Variants in C14orf132 observed in about 807,000 individuals in gnomAD.
The protein encoded by C14orf132 is uncharacterized protein C14orf132.
Under a neutral mutation model 5.8 loss-of-function variants are expected in C14orf132, and 6 were observed. The ratio of observed to expected loss-of-function variants is 1.03; its 90% CI spans 0.57 to 2.04. C14orf132 has a LOEUF of 2.04. C14orf132 is among the 30% of genes most tolerant of loss of function. The probability of loss-of-function intolerance (pLI) is 0.00; values close to 1 mark genes in which losing one functional copy is unlikely to be tolerated. For synonymous variants in C14orf132, 51 were observed against 49.8 expected, an observed-to-expected ratio of 1.02 and a Z score of -0.10; for missense variants, 125 against 115.8, an observed-to-expected ratio of 1.08 and a Z score of -0.37.
chr14:96,055,962 T>C (rs544846059), intron 1 of C14orf132, among the ~76,000 whole-genome samples: 1 of 152,302 alleles, frequency 6.6e-6, no homozygotes, highest in South Asian at 2.1e-4. Flanking sequence ...TGGGTGGTAC[T>C]TTCTAAGCTT....
At chr14:96,059,791 G>A (rs146749430) in intron 1 of C14orf132, among the ~76,000 whole-genome samples, 6 of 152,320 alleles carry the variant, frequency 3.9e-5, no homozygotes, top group Non-Finnish European at 8.8e-5. Context: ...TTCCTGATCT[G>A]TTTCCTTTCT....
intron 1 of C14orf132, among the ~76,000 whole-genome samples, chr14:96,050,036 G>A (rs73343413): frequency 6.0e-4 from 92 of 152,194 alleles, no homozygotes; most frequent in African/African-American, 2.2e-3. Flanking sequence ...TATAACAACT[G>A]TTTTAATGTC....
intron 1 of C14orf132, among the ~76,000 whole-genome samples, chr14:96,068,961 A>G (rs1887616048): frequency 6.6e-6 from 1 of 151,898 alleles, no homozygotes; most frequent in Non-Finnish European, 1.5e-5. Context: ...CTCCACTTTT[A>G]TCTCCTGCCT....
At chr14:96,047,342 C>T (rs771415936) in intron 1 of C14orf132, among the ~76,000 whole-genome samples, 2 of 152,176 alleles carry the variant, frequency 1.3e-5, no homozygotes, top group Non-Finnish European at 2.9e-5. Flanking sequence ...AGAACTGGGA[C>T]ATCTGCAGGT....
chr14:96,052,157 T>C (rs141190035), intron 1 of C14orf132, among the ~76,000 whole-genome samples: 1 of 152,234 alleles, frequency 6.6e-6, no homozygotes, highest in African/African-American at 2.4e-5. Context: ...AGCTGATGGA[T>C]TGTAGAGTGT....
chr14:96,053,285 A>G (rs1887082010), intron 1 of C14orf132, among the ~76,000 whole-genome samples: 1 of 152,192 alleles, frequency 6.6e-6, no homozygotes, highest in Admixed American at 6.5e-5. Flanking sequence ...ACACCGTTCT[A>G]GGCACTGGGG....
intron 1 of C14orf132, among the ~76,000 whole-genome samples, chr14:96,070,168 T>G (rs1002572658): frequency 2.0e-5 from 3 of 152,202 alleles, no homozygotes; most frequent in Non-Finnish European, 4.4e-5. Flanking sequence ...CAAATGAGGG[T>G]TTTCCGCTGT....
At chr14:96,069,076 A>G (rs1887619712) in intron 1 of C14orf132, among the ~76,000 whole-genome samples, 1 of 151,310 alleles carries the variant, frequency 6.6e-6, no homozygotes, top group African/African-American at 2.4e-5. Context: ...TTATGCCACC[A>G]GCTTCCCTGA....
chr14:96,087,891 G>A lies in C14orf132; in HGVS notation c.*1156G>A, dbSNP rs1191524672. ...CAAGGAAGCTTCCAAGTAAAAACCA[G>A]AGAGAAGGGCACACTTTTCTTTCTT... On this transcript the variant is annotated 3_prime_UTR_variant, in exon 2 of 2. Transcript: ENST00000555004. 2 of 152,168 alleles carry A rather than the reference G, an allele frequency of 1.3e-5. No individual in the cohort carries two copies. Among genetic ancestry groups the A allele is most frequent in the Non-Finnish European group, 2.9e-5 (2 of 68,048 alleles). 9.4% of individuals were successfully genotyped at this position (152,168 alleles called of 1,614,324 possible). A position where few individuals can be genotyped will look rare whatever the true frequency, so the allele number is the denominator to read the frequency against.
Position 96,090,616 on chromosome 14 carries a change from G to T in C14orf132, c.*3881G>T, listed in dbSNP as rs527441814. On this transcript the variant is annotated 3_prime_UTR_variant, in exon 2 of 2. Coordinates refer to ENST00000555004, the MANE Select transcript of C14orf132 (RefSeq NM_001252507.3). The stretch of plus-strand genomic sequence containing the variant: ...TTTCCCATGAAATCAAGGTCAAGAG[G>T]CAAATAAGACTCCCTGCTCCACTCT... 1 of 455,988 alleles carries T rather than the reference G, an allele frequency of 2.2e-6. No homozygotes were observed. The highest frequency in any genetic ancestry group is 2.0e-5 in the African/African-American group (1 of 50,144). The allele number at this position is 455,988 out of a possible 1,614,324, so 28.2% of individuals were successfully genotyped here.
Position 96,077,225 on chromosome 14 carries a change from A to G in C14orf132, c.28-9286A>G, listed in dbSNP as rs935566345. On this transcript the variant is annotated intron_variant, in intron 1 of 1. Transcript: ENST00000555004. ...ATTTCCTATTTCTTTCTATACCAAG[A>G]GAGAAGTGCTGAGGTGTGATAATTT... Among the ~76,000 whole-genome samples the G allele has an allele frequency of 6.6e-5, 10 of 152,296 alleles. 1 individual carries two copies. Among genetic ancestry groups the G allele is most frequent in the East Asian group, 1.9e-4 (1 of 5,172 alleles).
At chr14:96,072,717 T>C (rs1461669354) in intron 1 of C14orf132, among the ~76,000 whole-genome samples, 1 of 152,210 alleles carries the variant, frequency 6.6e-6, no homozygotes, top group Non-Finnish European at 1.5e-5. Flanking sequence ...GTTTTTTGCA[T>C]CATCCAGAAT....
At chr14:96,075,158 T>C (rs1244676067) in intron 1 of C14orf132, among the ~76,000 whole-genome samples, 4 of 152,216 alleles carry the variant, frequency 2.6e-5, no homozygotes, top group Non-Finnish European at 5.9e-5. Context: ...AAGTATTTTA[T>C]TTTTTGGTGT....
rs1239273449 is a variant in C14orf132, at chr14:96,086,765, G to T, written c.*30G>T. On this transcript the variant is annotated 3_prime_UTR_variant, in exon 2 of 2. Coordinates refer to ENST00000555004, the MANE Select transcript of C14orf132 (RefSeq NM_001252507.3). ...GGCACACCCTGCACCACCATGGGGT[G>T]AGGCTTGGCACGTAGCTCTGACTTG... 6.5e-7 allele frequency: 1 copy of T among 1,529,580 alleles called. No individual in the cohort carries two copies. Among genetic ancestry groups the T allele is most frequent in the South Asian group, 1.2e-5 (1 of 83,814 alleles). 94.8% of individuals were successfully genotyped at this position (1,529,580 alleles called of 1,614,324 possible).
intron 1 of C14orf132, among the ~76,000 whole-genome samples, chr14:96,076,192 T>C (rs1242647471): frequency 6.6e-6 from 1 of 152,242 alleles, no homozygotes; most frequent in Non-Finnish European, 1.5e-5. Flanking sequence ...GTCAAACCTA[T>C]GGGTATGCAG....
chr14:96,040,529 G>C (rs1175869567), intron 1 of C14orf132, among the ~76,000 whole-genome samples: 1 of 152,268 alleles, frequency 6.6e-6, no homozygotes, highest in East Asian at 1.9e-4. Context: ...AGGGAACGAA[G>C]TTTGAGGGGA....
intron 1 of C14orf132, among the ~76,000 whole-genome samples, chr14:96,072,421 A>AATGGG (rs1887741265): frequency 6.6e-6 from 1 of 152,162 alleles, no homozygotes. Flanking sequence ...GACTGCATGG[A>AATGGG]ATGGTGAACG....
chr14:96,061,104 G>A (rs1468625016), intron 1 of C14orf132, among the ~76,000 whole-genome samples: 2 of 151,842 alleles, frequency 1.3e-5, no homozygotes, highest in African/African-American at 4.9e-5. Flanking sequence ...CATTTCCCTG[G>A]TGCTGGGCTC....
chr14:96,067,543 T>G (rs1887567833), intron 1 of C14orf132, among the ~76,000 whole-genome samples: 1 of 151,664 alleles, frequency 6.6e-6, no homozygotes, highest in Non-Finnish European at 1.5e-5. Context: ...CTACCAAAAA[T>G]ACAAAATTAG....
Sources: allele counts gnomAD v4.1 joint callset (sites outside exome capture counted in the v4.1 genomes callset), GRCh38; gene constraint gnomAD v4.1.1; transcripts MANE v1.5; gene names NCBI Gene and HGNC (gene_info 2026-07-23, HGNC 2026-07-21).